Variants in TVP23A observed in about 807,000 individuals in gnomAD.
The protein encoded by TVP23A is Golgi apparatus membrane protein TVP23 homolog A.
A neutral mutation model predicts 31.7 loss-of-function variants in TVP23A; 21 were observed. The ratio of observed to expected loss-of-function variants is 0.66; its 90% CI spans 0.47 to 0.95. TVP23A has a LOEUF of 0.95. Ranked by LOEUF, TVP23A falls within the 40% of genes least tolerant of loss-of-function variation. The probability of loss-of-function intolerance (pLI) is 0.00; values close to 1 mark genes in which losing one functional copy is unlikely to be tolerated. For synonymous variants in TVP23A, 104 were observed against 96.0 expected (o/e 1.08, Z -0.49); for missense variants, 279 against 255.6 (o/e 1.09, Z -0.62).
At chr16:10,765,111 T>C (rs941275073), downstream of TVP23A, 1 of 153,382 alleles carries the variant, frequency 6.5e-6, no homozygotes, top group African/African-American at 2.4e-5. This position sits in a 1 kb window ranked among gnomAD's most constrained non-coding sequence, Gnocchi z 4.0. Context: ...TGGTGGATTT[T>C]GGAGCATGGC....
In TVP23A at chr16:10,775,216, G is replaced by A. The variant is rs914960433; in HGVS notation, c.90-120C>T. ...CGTGGCTCAATGGAATGTTCTCCCC[G>A]GTGCATATGACGCAGAAACTCAGGC... On this transcript the variant is annotated intron_variant, in intron 2 of 7. Transcript: ENST00000299866. 1.1e-4 allele frequency: 164 copies of A among 1,468,482 alleles called. 1 individual carries two copies. Among genetic ancestry groups the A allele is most frequent in the Non-Finnish European group, 1.3e-4 (148 of 1,109,304 alleles). The allele number at this position is 1,468,482 out of a possible 1,614,324, so 91.0% of individuals were successfully genotyped here.
intron 2 of TVP23A, among the ~76,000 whole-genome samples, chr16:10,782,185 C>G (rs1303279973): frequency 6.6e-6 from 1 of 152,070 alleles, no homozygotes; most frequent in Non-Finnish European, 1.5e-5. Context: ...TTCCCACACT[C>G]AGCTGTCATC....
downstream of TVP23A, chr16:10,761,930 G>C (rs2029977660): frequency 8.2e-7 from 1 of 1,221,414 alleles, no homozygotes; most frequent in Admixed American, 2.0e-5. Context: ...GGGCACAACA[G>C]GGGGCGGCTA....
Position 10,767,345 on chromosome 16 carries a change from G to A in TVP23A, c.*1757C>T, listed in dbSNP as rs2031040198. 2 of 399,476 alleles carry A rather than the reference G, an allele frequency of 5.0e-6. No individual in the cohort carries two copies. The highest frequency in any genetic ancestry group is 7.1e-5 in the East Asian group (2 of 28,100). The allele number at this position is 399,476 out of a possible 1,614,324, so 24.7% of individuals were successfully genotyped here. A position where few individuals can be genotyped will look rare whatever the true frequency, so the allele number is the denominator to read the frequency against. ...GACTGGAACAATGGCCACATGGCGG[G>A]GAAAGACTAGCAGACTGATAGACAC... On this transcript the variant is annotated 3_prime_UTR_variant, in exon 8 of 8. Coordinates refer to ENST00000299866, the MANE Select transcript of TVP23A (RefSeq NM_001079512.4). This position sits in a 1 kb window ranked among gnomAD's most constrained non-coding sequence, Gnocchi z 4.6.
rs957272121 is a variant in TVP23A at position 10,767,665 on chromosome 16, C to T, written c.*1437G>A. On this transcript the variant is annotated 3_prime_UTR_variant, in exon 8 of 8. Coordinates refer to ENST00000299866, the MANE Select transcript of TVP23A (RefSeq NM_001079512.4). This position sits in a 1 kb window ranked among gnomAD's most constrained non-coding sequence, Gnocchi z 4.6. ...AAGCTAATCTCTTAAAATGCAGACT[C>T]CTGGGCCCATGTGGAAGCTGCTGAA... 23 of 504,664 alleles carry T rather than the reference C, an allele frequency of 4.6e-5. No homozygotes were observed. The highest frequency in any genetic ancestry group is 7.0e-5 in the Non-Finnish European group (20 of 284,914). The allele number at this position is 504,664 out of a possible 1,614,324, so 31.3% of individuals were successfully genotyped here.
At chr16:10,795,552 A>G (rs1419554290) in intron 2 of TVP23A, among the ~76,000 whole-genome samples, 2 of 152,088 alleles carry the variant, frequency 1.3e-5, no homozygotes, top group African/African-American at 4.8e-5. Flanking sequence ...TGCCCGGCCT[A>G]TCTGACACTT....
At chr16:10,757,906 G>C (rs751178101), downstream of TVP23A, 2 of 1,613,986 alleles carry the variant, frequency 1.2e-6, no homozygotes, top group African/African-American at 2.7e-5. This position sits in a 1 kb window ranked among gnomAD's most constrained non-coding sequence, Gnocchi z 4.1. Context: ...GATGTGGACT[G>C]GGGAGAGGTC....
At chr16:10,788,806 A>G (rs2355608) in intron 2 of TVP23A, among the ~76,000 whole-genome samples, 124,456 of 152,196 alleles carry the variant, frequency 0.82, 51,729 homozygotes, top group African/African-American at 0.95. Context: ...AGTAGCTAGT[A>G]GGAGTGGGCT....
downstream of TVP23A, among the ~76,000 whole-genome samples, chr16:10,762,546 C>T (rs186430761): frequency 3.6e-4 from 55 of 152,284 alleles, no homozygotes; most frequent in Admixed American, 3.1e-3. Flanking sequence ...CCCCCAGGAC[C>T]GCGGAGCCGG....
At position 10,767,831 on chromosome 16, in the gene TVP23A, C is replaced by T. The variant is rs1202950956; in HGVS notation, c.*1271G>A. 7.7e-6 allele frequency: 7 copies of T among 905,552 alleles called. No homozygotes were observed. The highest frequency in any genetic ancestry group is 2.9e-5 in the South Asian group (2 of 69,080). 56.1% of individuals were successfully genotyped at this position (905,552 alleles called of 1,614,324 possible). A position where few individuals can be genotyped will look rare whatever the true frequency, so the allele number is the denominator to read the frequency against. ...GTCTTTTCTACTTTGTTCTTCATTACGAGTGAAGCGGGCTCAAGATCTTCC... is the reference window on the plus strand; with the variant it reads ...GTCTTTTCTACTTTGTTCTTCATTATGAGTGAAGCGGGCTCAAGATCTTCC... On this transcript the variant is annotated 3_prime_UTR_variant, in exon 8 of 8. Coordinates refer to ENST00000299866, the MANE Select transcript of TVP23A (RefSeq NM_001079512.4). The surrounding 1 kb of genome is among the most constrained non-coding windows in gnomAD (Gnocchi z 4.6).
chr16:10,793,901 C>CA (rs61392688), intron 2 of TVP23A, among the ~76,000 whole-genome samples: 1,275 of 39,204 alleles, frequency 0.033, 174 homozygotes, highest in Non-Finnish European at 0.039. Flanking sequence ...CCTGTCTCAC[C>CA]AAAAAAAAAA....
In TVP23A at chr16:10,818,637, C is replaced by T; in HGVS notation, c.-144G>A. ...CGGGGCCTGCGCCCTGTGGGGCAGC[C>T]TCAGCGCAGCTTCTCGGGTGGGGCG... On this transcript the variant is annotated 5_prime_UTR_variant, in exon 1 of 8. Coordinates refer to ENST00000299866, the MANE Select transcript of TVP23A (RefSeq NM_001079512.4). This position sits in a 1 kb window ranked among gnomAD's most constrained non-coding sequence, Gnocchi z 4.7. The T allele has an allele frequency of 9.7e-7, 1 of 1,034,776 alleles. No homozygotes were observed. The highest frequency in any genetic ancestry group is 1.3e-6 in the Non-Finnish European group (1 of 757,520). The allele number at this position is 1,034,776 out of a possible 1,614,324, so 64.1% of individuals were successfully genotyped here. A position where few individuals can be genotyped will look rare whatever the true frequency, so the allele number is the denominator to read the frequency against.
In TVP23A at chr16:10,777,018, C is replaced by T. The variant is rs1272317260; in HGVS notation, c.90-1922G>A. 6.6e-6 allele frequency among the ~76,000 whole-genome samples: 1 copy of T among 152,184 alleles called. No homozygotes were observed. The highest frequency in any genetic ancestry group is 1.9e-4 in the East Asian group (1 of 5,196). On this transcript the variant is annotated intron_variant, in intron 2 of 7. Transcript: ENST00000299866. This position sits in a 1 kb window ranked among gnomAD's most constrained non-coding sequence, Gnocchi z 4.5. ...CTGTATCCTGTGCGACCTCCTATCTCATCCTGTGACTTAGAATGCCTTAAC... is the reference window on the plus strand; with the variant it reads ...CTGTATCCTGTGCGACCTCCTATCTTATCCTGTGACTTAGAATGCCTTAAC...
chr16:10,817,040 C>A (rs1411865236), intron 2 of TVP23A, among the ~76,000 whole-genome samples: 1 of 151,794 alleles, frequency 6.6e-6, no homozygotes, highest in East Asian at 1.9e-4. Context: ...AGGCCACAAG[C>A]CACAGAATGC....
chr16:10,794,616 G>C (rs997035810), intron 2 of TVP23A, among the ~76,000 whole-genome samples: 2 of 152,194 alleles, frequency 1.3e-5, no homozygotes, highest in African/African-American at 4.8e-5. Flanking sequence ...GGTGACATGA[G>C]CTTCCCCGAG....
exon 9 of TVP23A, chr16:10,761,346 G>A (rs1378166415): frequency 1.2e-6 from 2 of 1,611,110 alleles, no homozygotes; most frequent in Non-Finnish European, 8.5e-7. Context: ...GGAATCACTG[G>A]TCTTTTCACC....
chr16:10,757,816 T>A, downstream of TVP23A: 48 of 1,553,552 alleles, frequency 3.1e-5, no homozygotes, highest in South Asian at 3.2e-4. This position sits in a 1 kb window ranked among gnomAD's most constrained non-coding sequence, Gnocchi z 4.1. Flanking sequence ...AAAGAGGGAG[T>A]TGAAAGTACA....
chr16:10,814,305 C>G (rs546400469), intron 2 of TVP23A, among the ~76,000 whole-genome samples: 1 of 152,140 alleles, frequency 6.6e-6, no homozygotes, highest in African/African-American at 2.4e-5. Context: ...GGTGACTTCT[C>G]GAGCTCCTGG....
chr16:10,775,208 T>C (rs1301659159), intron 2 of TVP23A, 112 bp from the exon 3 acceptor site: 3 of 1,481,254 alleles, frequency 2.0e-6, no homozygotes, highest in Admixed American at 4.6e-5. Flanking sequence ...CAATGGAATG[T>C]TCTCCCCGGT....
Sources: gnomAD v4.1 joint callset for allele counts (sites outside exome capture counted in the v4.1 genomes callset) on GRCh38, gnomAD v4.1.1 for gene constraint, Gnocchi (gnomAD v3.1) non-coding constraint, MANE v1.5 for transcripts, NCBI Gene and HGNC (gene_info 2026-07-23, HGNC 2026-07-21) for gene names.